The following ABL2 variants were observed in gnomAD, a reference collection of about 807,000 sequenced individuals.
ABL2 encodes ABL proto-oncogene 2, non-receptor tyrosine kinase.
A neutral mutation model predicts 107.7 loss-of-function variants in ABL2; 49 were observed. The ratio of observed to expected loss-of-function variants is 0.45; its 90% confidence interval spans 0.36 to 0.58. The LOEUF is 0.58. Among genes scored for constraint, ABL2 ranks in the 20% least tolerant of loss-of-function variants. The probability of loss-of-function intolerance (pLI) is 0.00; values close to 1 mark genes in which losing one functional copy is unlikely to be tolerated. For synonymous variants in ABL2, 549 were observed against 548.6 expected (o/e 1.00, Z -0.01); for missense variants, 1,245 against 1,457.0 (o/e 0.85, Z 2.37).
chr1:179,121,513 T>TA, intron 5 of ABL2, 82 bp downstream of exon 5: 3 of 1,533,524 alleles, frequency 2.0e-6, no homozygotes, highest in Non-Finnish European at 2.7e-6. Context: ...GTTCCAAAGT[T>TA]AAAGAAGGGC....
In ABL2 at chr1:179,108,583, C is replaced by T; in HGVS notation, c.2684G>A (p.Gly895Asp). The T allele has an allele frequency of 6.2e-7, 1 of 1,614,072 alleles. No individual in the cohort carries two copies. The highest frequency in any genetic ancestry group is 8.5e-7 in the Non-Finnish European group (1 of 1,179,972). ...AAAPKGKEKN[G>D]GARLGMAGVP... is the part of the protein sequence containing the mutation. ...TCCAGCCATCCCAAGTCGTGCCCCA[C>T]CATTCTTCTCTTTACCCTTGGGGGC... The change falls in exon 12 of 12, where the codon GGT becomes GAT. Residue 895 changes from glycine (G) to aspartate (D), a missense_variant. By Grantham distance (94) the Gly-to-Asp change is moderately conservative. Transcript: ENST00000502732.
Position 179,118,712 on chromosome 1 carries a change from G to A in ABL2, c.1098C>T (p.Tyr366=), listed in dbSNP as rs373461386. 24 of 1,613,996 alleles carry A rather than the reference G, an allele frequency of 1.5e-5. 1 individual carries two copies. In the South Asian group the frequency reaches 2.0e-4, roughly 13 times the overall value. Residue 366 remains tyrosine, a synonymous_variant, in exon 7 of 12, where the codon TAC becomes TAT. Coordinates refer to ENST00000502732, the MANE Select transcript of ABL2 (RefSeq NM_007314.4). ...CTCGGAGGTAATCCAGCAAATTCCCGTATGGCATGTATTCAGTCACAATGT... is the reference window on the plus strand; with the variant it reads ...CTCGGAGGTAATCCAGCAAATTCCCATATGGCATGTATTCAGTCACAATGT... ...PFYIVTEYMP[Y]GNLLDYLREC... is the part of the protein sequence containing the mutation.
In ABL2 at chr1:179,109,171, T is replaced by C; in HGVS notation, c.2096A>G (p.Asp699Gly). 1 of 1,613,528 alleles carries C rather than the reference T, an allele frequency of 6.2e-7. No individual in the cohort carries two copies. Among genetic ancestry groups the C allele is most frequent in the East Asian group, 2.2e-5 (1 of 44,808 alleles). The change falls in exon 12 of 12, where the codon GAT becomes GGT. Residue 699 changes from aspartate (D) to glycine (G), a missense_variant. Coordinates refer to ENST00000502732, the MANE Select transcript of ABL2 (RefSeq NM_007314.4). ...CTGGGCAGGAGTGAAAGAGAACCCA[T>C]CAGCATGCTGTAGAGAAGCAACAGA... ...FSSVASLQHA[D>G]GFSFTPAQQE... is the part of the protein sequence containing the mutation.
At chr1:179,224,530 A>C (rs190376431) in intron 1 of ABL2, among the ~76,000 whole-genome samples, 1 of 152,012 alleles carries the variant, frequency 6.6e-6, no homozygotes, top group African/African-American at 2.4e-5. Flanking sequence ...CGGCCTCCCA[A>C]AGTGCTGGGA....
intron 1 of ABL2, among the ~76,000 whole-genome samples, chr1:179,150,077 T>A (rs1453437441): frequency 6.1e-5 from 9 of 148,500 alleles, no homozygotes; most frequent in Middle Eastern, 3.4e-3. Flanking sequence ...AAAAAAAAAA[T>A]TTTTTTTTTC....
At chr1:179,200,178 C>T (rs746930181) in intron 1 of ABL2, among the ~76,000 whole-genome samples, 7 of 151,334 alleles carry the variant, frequency 4.6e-5, no homozygotes, top group Non-Finnish European at 8.8e-5. Context: ...TCCTGAGTAG[C>T]TAGGATTATA....
At chr1:179,227,017 G>T (rs1379495258) in intron 1 of ABL2, among the ~76,000 whole-genome samples, 1 of 152,114 alleles carries the variant, frequency 6.6e-6, no homozygotes, top group South Asian at 2.1e-4. Flanking sequence ...AAGGACCCTT[G>T]AAATTACTCC....
intron 1 of ABL2, among the ~76,000 whole-genome samples, chr1:179,216,775 C>T (rs1158550046): frequency 6.6e-6 from 1 of 151,968 alleles, no homozygotes; most frequent in Non-Finnish European, 1.5e-5. Context: ...CCTCCACCTC[C>T]CGGGTTCAAG....
At position 179,135,827 on chromosome 1, in the gene ABL2, G is replaced by A. The variant is rs1400559341; in HGVS notation, c.158-2453C>T. Among the ~76,000 whole-genome samples, 5 of 148,286 alleles carry A rather than the reference G, an allele frequency of 3.4e-5. 1 individual carries two copies. In the East Asian group the frequency reaches 6.3e-4, roughly 19 times the overall value. ...GCCGCCCCGTCCGGGAGGGAGGGAG[G>A]TGGGGGGGTCAGCCCCCAGCCTGGC... is the stretch of plus-strand genomic sequence containing the variant. On this transcript the variant is annotated intron_variant, in intron 1 of 11. Transcript: ENST00000502732.
intron 1 of ABL2, among the ~76,000 whole-genome samples, chr1:179,195,644 A>C (rs1048140376): frequency 3.4e-4 from 51 of 152,234 alleles, no homozygotes; most frequent in African/African-American, 1.2e-3. Context: ...GTCCATAAAG[A>C]GATGAGTGGA....
chr1:179,151,881 C>T (rs1278035188), intron 1 of ABL2, among the ~76,000 whole-genome samples: 4 of 152,170 alleles, frequency 2.6e-5, no homozygotes, highest in Non-Finnish European at 4.4e-5. Context: ...AATGCATGCT[C>T]TATACCTATC....
chr1:179,108,400 T>C lies in ABL2; in HGVS notation c.2867A>G (p.Asn956Ser). Residue 956 changes from asparagine (N) to serine (S), a missense_variant, in exon 12 of 12, where the codon AAT becomes AGT. Physicochemically the swap from Asn to Ser is conservative, Grantham distance 46 (BLOSUM62 1). Coordinates refer to ENST00000502732, the MANE Select transcript of ABL2 (RefSeq NM_007314.4). ...VQLIGTDSQG[N>S]KFKLLSEHQV... ...ATGCTCAGATAAGAGCTTGAATTTATTCCCCTGAGAGTCTGTGCCAATGAG... is the reference window on the plus strand; with the variant it reads ...ATGCTCAGATAAGAGCTTGAATTTACTCCCCTGAGAGTCTGTGCCAATGAG... 6.2e-7 allele frequency: 1 copy of C among 1,614,260 alleles called. No individual in the cohort carries two copies. Among genetic ancestry groups the C allele is most frequent in the Non-Finnish European group, 8.5e-7 (1 of 1,180,050 alleles).
Position 179,187,830 on chromosome 1 carries a change from TTTCAC to T in ABL2, c.157+41406_157+41410del, listed in dbSNP as rs201462546. ...TCAGACTCATAACTAATCTCTCTGC[TTTCAC>T]CCTTGTCCCCAAGAGTTTATTGTCC... On this transcript the variant is annotated intron_variant, in intron 1 of 11. Coordinates refer to ENST00000502732, the MANE Select transcript of ABL2 (RefSeq NM_007314.4). Among the ~76,000 whole-genome samples, 1,503 of 152,274 alleles carry T rather than the reference TTTCAC, an allele frequency of 9.9e-3. 14 individuals carry two copies. Among genetic ancestry groups the T allele is most frequent in the Admixed American group, 0.014 (218 of 15,286 alleles).
At chr1:179,200,299 A>G (rs1161833980) in intron 1 of ABL2, among the ~76,000 whole-genome samples, 1 of 152,068 alleles carries the variant, frequency 6.6e-6, no homozygotes, top group Non-Finnish European at 1.5e-5. Flanking sequence ...TGCCTGCCTC[A>G]GCCTCCCAAA....
intron 1 of ABL2, among the ~76,000 whole-genome samples, chr1:179,207,525 A>C (rs1662043392): frequency 6.6e-6 from 1 of 152,222 alleles, no homozygotes; most frequent in Non-Finnish European, 1.5e-5. Flanking sequence ...GTTAAAAAAT[A>C]ATGTTTAAAA....
At chr1:179,171,323 C>G (rs1659704883) in intron 1 of ABL2, among the ~76,000 whole-genome samples, 2 of 152,086 alleles carry the variant, frequency 1.3e-5, no homozygotes, top group Admixed American at 1.3e-4. Context: ...GAATACAAAA[C>G]CAAAAGACAC....
At chr1:179,169,827 T>G (rs1004196970) in intron 1 of ABL2, among the ~76,000 whole-genome samples, 3 of 151,980 alleles carry the variant, frequency 2.0e-5, no homozygotes, top group African/African-American at 7.3e-5. Context: ...GGCCAGAAGT[T>G]TAAGACCAGC....
At chr1:179,200,035 A>G (rs1404212071) in intron 1 of ABL2, among the ~76,000 whole-genome samples, 3 of 115,734 alleles carry the variant, frequency 2.6e-5, no homozygotes, top group South Asian at 2.9e-4. Context: ...CTGGCCCCCA[A>G]TGCCTTTTTT....
At chr1:179,217,651 A>G (rs1252224264) in intron 1 of ABL2, among the ~76,000 whole-genome samples, 2 of 151,966 alleles carry the variant, frequency 1.3e-5, no homozygotes, top group Non-Finnish European at 2.9e-5. Flanking sequence ...GAAAAGAAAT[A>G]TTAGTAACAC....
Sources: allele counts gnomAD v4.1 joint callset (sites outside exome capture counted in the v4.1 genomes callset), GRCh38; gene constraint gnomAD v4.1.1; transcripts MANE v1.5; gene names NCBI Gene and HGNC (gene_info 2026-07-23, HGNC 2026-07-21).